The following FHIT variants were observed in gnomAD, a reference collection of about 807,000 sequenced individuals.
FHIT encodes the protein bis(5'-adenosyl)-triphosphatase.
In FHIT, 19 loss-of-function variants were observed where a neutral mutation model predicts 17.9. The observed-to-expected ratio is 1.06, with a 90% CI of 0.74 to 1.56. The LOEUF (loss-of-function observed/expected upper bound fraction) is 1.56. Ranked by LOEUF, FHIT falls within the 40% of genes most tolerant of loss-of-function variation. The probability of loss-of-function intolerance (pLI) is 0.00; values close to 1 mark genes in which losing one functional copy is unlikely to be tolerated. For synonymous variants in FHIT, 81 were observed against 69.7 expected, an observed-to-expected ratio of 1.16 and a Z score of -0.81; for missense variants, 248 against 189.2, an observed-to-expected ratio of 1.31 and a Z score of -1.82.
chr3:60,766,672 C>T (rs1226443803), intron 4 of FHIT, among the ~76,000 whole-genome samples: 2 of 151,922 alleles, frequency 1.3e-5, no homozygotes, highest in East Asian at 3.9e-4. Flanking sequence ...AGTCTCAAGG[C>T]CACATCTGAC....
At chr3:61,235,240 C>T (rs1225859971) in intron 1 of FHIT, among the ~76,000 whole-genome samples, 5 of 152,164 alleles carry the variant, frequency 3.3e-5, no homozygotes, top group African/African-American at 1.2e-4. Context: ...GGCCTGGGTC[C>T]ATATCTTAGG....
In FHIT at chr3:60,278,716, A is replaced by G. The variant is rs1237943464; in HGVS notation, c.103+258144T>C. 2.5e-5 allele frequency among the ~76,000 whole-genome samples: 3 copies of G among 122,276 alleles called. No individual in the cohort carries two copies. In the Admixed American group the frequency reaches 2.6e-4, roughly 10 times the overall value. The allele number at this position is 122,276 out of a possible 152,430, so 80.2% of individuals were successfully genotyped here. ...CTAAGCTAGATTAACATAAAACCTC[A>G]TAACAAAAAAAAAAATTCTTAGTTC... On this transcript the variant is annotated intron_variant, in intron 5 of 9. Coordinates refer to ENST00000492590, the MANE Select transcript of FHIT (RefSeq NM_002012.4).
At chr3:60,321,597 C>T (rs901322192) in intron 5 of FHIT, among the ~76,000 whole-genome samples, 2 of 152,184 alleles carry the variant, frequency 1.3e-5, no homozygotes, top group African/African-American at 4.8e-5. Flanking sequence ...CAGAGGAACT[C>T]CAAAGCCTGT....
rs74735356 is a variant in FHIT, at chr3:60,727,009, T to G, written c.-18+94910A>C. 3.5e-3 allele frequency among the ~76,000 whole-genome samples: 536 copies of G among 152,302 alleles called. 2 individuals are homozygous for G. The highest frequency in any genetic ancestry group is 0.012 in the African/African-American group (508 of 41,564). On this transcript the variant is annotated intron_variant, in intron 4 of 9. Transcript: ENST00000492590. ...ATAACTTTATACACCAAATAACATT[T>G]TGAAGTTTATTTCCTCCCAATACAG... is the stretch of plus-strand genomic sequence containing the variant.
intron 5 of FHIT, among the ~76,000 whole-genome samples, chr3:60,086,850 C>T (rs1703515082): frequency 6.6e-6 from 1 of 152,200 alleles, no homozygotes; most frequent in Admixed American, 6.5e-5. Context: ...GTTGAGGTTA[C>T]ACACTGCTGC....
chr3:60,164,565 CAG>C (rs1367215883), intron 5 of FHIT, among the ~76,000 whole-genome samples: 1 of 151,546 alleles, frequency 6.6e-6, no homozygotes, highest in Non-Finnish European at 1.5e-5. Context: ...CTAACGCAGT[CAG>C]GGGGAGATGC....
intron 3 of FHIT, among the ~76,000 whole-genome samples, chr3:60,871,889 C>G (rs1704432866): frequency 6.6e-6 from 1 of 151,994 alleles, no homozygotes; most frequent in African/African-American, 2.4e-5. Flanking sequence ...TCTTGAACTT[C>G]TGGACTCAAA....
At chr3:60,258,652 GA>G (rs1003406972) in intron 5 of FHIT, among the ~76,000 whole-genome samples, 3 of 152,068 alleles carry the variant, frequency 2.0e-5, no homozygotes, top group Non-Finnish European at 2.9e-5. Context: ...GATCAACAAG[GA>G]AAAAGCATAT....
chr3:59,749,341 C>G lies in FHIT; in HGVS notation c.*244G>C, dbSNP rs1273521730. 1 of 231,012 alleles carries G rather than the reference C, an allele frequency of 4.3e-6. No homozygotes were observed. The highest frequency in any genetic ancestry group is 8.5e-6 in the Non-Finnish European group (1 of 117,032). The allele number at this position is 231,012 out of a possible 1,614,324, so 14.3% of individuals were successfully genotyped here. On this transcript the variant is annotated 3_prime_UTR_variant, in exon 10 of 10. Coordinates refer to ENST00000492590, the MANE Select transcript of FHIT (RefSeq NM_002012.4). ...CAGAGAAGGAAGTTTAATCATAAGG[C>G]TGCCGAATAAGGAGACAGGGGGAAA...
At chr3:59,761,515 C>T (rs985596537) in intron 8 of FHIT, among the ~76,000 whole-genome samples, 82 of 152,184 alleles carry the variant, frequency 5.4e-4, no homozygotes, top group African/African-American at 1.6e-3. Context: ...AAGAGATTAA[C>T]AACCAAGAAT....
chr3:61,047,633 T>G (rs1308788565), intron 2 of FHIT, among the ~76,000 whole-genome samples: 1 of 152,132 alleles, frequency 6.6e-6, no homozygotes, highest in Non-Finnish European at 1.5e-5. Context: ...AAAAACTACT[T>G]TAAAGTTCAT....
At chr3:60,348,084 C>A (rs1270808131) in intron 5 of FHIT, among the ~76,000 whole-genome samples, 1 of 151,528 alleles carries the variant, frequency 6.6e-6, no homozygotes, top group Admixed American at 6.6e-5. Flanking sequence ...AAAAGAAATT[C>A]ATGGTAAATT....
At chr3:60,813,610 T>C (rs75952155) in intron 4 of FHIT, among the ~76,000 whole-genome samples, 1 of 152,314 alleles carries the variant, frequency 6.6e-6, no homozygotes, top group East Asian at 1.9e-4. Context: ...ATCTCTATAC[T>C]CTCCAATTAC....
intron 5 of FHIT, among the ~76,000 whole-genome samples, chr3:60,398,670 T>C (rs1428099515): frequency 6.6e-6 from 1 of 152,190 alleles, no homozygotes; most frequent in Non-Finnish European, 1.5e-5. Flanking sequence ...GGGTGATACT[T>C]AGTAAATTAC....
At chr3:60,153,898 G>C (rs76308018) in intron 5 of FHIT, among the ~76,000 whole-genome samples, 1 of 152,138 alleles carries the variant, frequency 6.6e-6, no homozygotes, top group African/African-American at 2.4e-5. Flanking sequence ...ATACAATGAA[G>C]AACAAGATAG....
chr3:59,814,831 C>CTCTG (rs1285679761), intron 8 of FHIT, among the ~76,000 whole-genome samples: 2 of 152,112 alleles, frequency 1.3e-5, no homozygotes, highest in Non-Finnish European at 2.9e-5. Flanking sequence ...CCTTTGCTGA[C>CTCTG]TCTGCTTGTC....
At chr3:60,553,559 A>G (rs971363361) in intron 4 of FHIT, among the ~76,000 whole-genome samples, 1 of 140,728 alleles carries the variant, frequency 7.1e-6, no homozygotes, top group Non-Finnish European at 1.5e-5. Context: ...AGAGAGAGAG[A>G]GGCTCCTGAA....
chr3:60,057,291 T>C (rs1302718012), intron 5 of FHIT, among the ~76,000 whole-genome samples: 1 of 152,164 alleles, frequency 6.6e-6, no homozygotes, highest in Non-Finnish European at 1.5e-5. Flanking sequence ...AGTCATATAC[T>C]AATATGTGGA....
chr3:60,811,237 T>G (rs1701563153), intron 4 of FHIT, among the ~76,000 whole-genome samples: 1 of 152,122 alleles, frequency 6.6e-6, no homozygotes, highest in Non-Finnish European at 1.5e-5. Flanking sequence ...TTTATTGGAG[T>G]TCTATAAGAA....
Sources: allele counts gnomAD v4.1 joint callset (sites outside exome capture counted in the v4.1 genomes callset), GRCh38; gene constraint gnomAD v4.1.1; transcripts MANE v1.5; gene names NCBI Gene and HGNC (gene_info 2026-07-23, HGNC 2026-07-21).